PFKM: variants seen among roughly 807,000 people sequenced by gnomAD.
PFKM encodes the protein ATP-dependent 6-phosphofructokinase, muscle type.
PFKM carries 58 observed loss-of-function variants against 95.5 expected under a neutral mutation model. The observed-to-expected ratio is 0.61, with a 90% CI of 0.49 to 0.76. PFKM has a LOEUF of 0.76. PFKM is among the 30% of genes least tolerant of loss of function. PFKM has a pLI of 0.00. For missense variants in PFKM, 678 were observed against 1,005.4 expected, an observed-to-expected ratio of 0.67 and a Z score of 4.40; for synonymous variants, 336 against 357.2, an observed-to-expected ratio of 0.94 and a Z score of 0.67.
Position 48,134,832 on chromosome 12 carries a change from A to G in PFKM, c.747+3A>G. 1.9e-6 allele frequency: 3 copies of G among 1,610,944 alleles called. No homozygotes were observed. The highest frequency in any genetic ancestry group is 2.5e-6 in the Non-Finnish European group (3 of 1,177,098). On this transcript the variant is annotated splice_donor_region_variant and intron_variant, in intron 8 of 22. Coordinates refer to ENST00000359794, the MANE Select transcript of PFKM (RefSeq NM_000289.6). ...ACCTTTGTCGCCGACTCAGCGAGGT[A>G]CTTGCACTTTATTTTGCCCTTAAGA...
chr12:48,115,489 T>A (rs1030666812), upstream of PFKM, among the ~76,000 whole-genome samples: 1 of 152,168 alleles, frequency 6.6e-6, no homozygotes, highest in African/African-American at 2.4e-5. Context: ...AGAACCTTCT[T>A]AAAGGTGGGG....
chr12:48,106,009 G>A, exon 1 of PFKM: 2 of 700,960 alleles, frequency 2.9e-6, no homozygotes, highest in Non-Finnish European at 5.2e-6. Context: ...CCCTCCCCCA[G>A]CTTCCCGCCG....
intron 1 of PFKM, chr12:48,106,462 T>G: frequency 2.8e-6 from 1 of 362,278 alleles, no homozygotes; most frequent in Non-Finnish European, 5.1e-6. Context: ...AACCTGTGGC[T>G]TCCCCCGACA....
At chr12:48,124,027 G>A (rs1369370708) in intron 2 of PFKM, among the ~76,000 whole-genome samples, 3 of 152,184 alleles carry the variant, frequency 2.0e-5, no homozygotes, top group African/African-American at 7.2e-5. Flanking sequence ...GAATTAGTGA[G>A]TATCTACTGT....
exon 1 of PFKM, chr12:48,106,100 A>AACCGGAACCGCCTTCACAGC (rs1302566899): frequency 1.4e-6 from 1 of 702,706 alleles, no homozygotes; most frequent in Non-Finnish European, 2.6e-6. Flanking sequence ...AACCGCCGCG[A>AACCGGAACCGCCTTCACAGC]ACCGGAACCG....
rs1256960201 is a variant in PFKM, at chr12:48,131,393, G to A, written c.237G>A (p.Leu79=). 1 of 1,607,792 alleles carries A rather than the reference G, an allele frequency of 6.2e-7. No homozygotes were observed. Among genetic ancestry groups the A allele is most frequent in the African/African-American group, 1.3e-5 (1 of 74,774 alleles). The change falls in exon 4 of 23, where the codon CTG becomes CTA. Residue 79 remains leucine (L), a splice_region_variant and synonymous_variant. Coordinates refer to ENST00000359794, the MANE Select transcript of PFKM (RefSeq NM_000289.6). ...AGAGCGTTTCGATGATGCTTCAGCTGGTATGTTCCAGAGAACTCCCTGTCC... is the reference window on the plus strand; with the variant it reads ...AGAGCGTTTCGATGATGCTTCAGCTAGTATGTTCCAGAGAACTCCCTGTCC... ...TWESVSMMLQ[L]GGTVIGSARC... is the part of the protein sequence containing the mutation.
chr12:48,133,973 C>A (rs1465363573), intron 6 of PFKM, among the ~76,000 whole-genome samples: 1 of 152,164 alleles, frequency 6.6e-6, no homozygotes, highest in Non-Finnish European at 1.5e-5. Context: ...CCTTTCCTTT[C>A]CTTCCCTTCC....
rs138022863 is a variant in PFKM, at chr12:48,134,784, A to C, written c.702A>C (p.Pro234=). The C allele has an allele frequency of 3.1e-6, 5 of 1,613,944 alleles. No individual in the cohort carries two copies. Among genetic ancestry groups the C allele is most frequent in the Middle Eastern group, 1.6e-4 (1 of 6,084 alleles). ...ACTGGGTTTTTATTCCTGAATGTCC[A>C]CCAGATGACGACTGGGAGGAACACC... ...GADWVFIPEC[P]PDDDWEEHLC... The change falls in exon 8 of 23, where the codon CCA becomes CCC. Residue 234 remains proline (P), a synonymous_variant. Transcript: ENST00000359794.
chr12:48,114,589 G>A (rs1947507260), upstream of PFKM, among the ~76,000 whole-genome samples: 1 of 152,124 alleles, frequency 6.6e-6, no homozygotes, highest in African/African-American at 2.4e-5. Flanking sequence ...AGGTCAGATG[G>A]TTCAGTAGAA....
Position 48,145,089 on chromosome 12 carries a change from T to C in PFKM, c.2051T>C (p.Met684Thr). 2 of 1,614,220 alleles carry C rather than the reference T, an allele frequency of 1.2e-6. No homozygotes were observed. The highest frequency in any genetic ancestry group is 2.7e-5 in the African/African-American group (2 of 75,064). Residue 684 changes from methionine to threonine, a missense_variant, in exon 21 of 23, where the codon ATG becomes ACG. By Grantham distance (81) the Met-to-Thr change is moderately conservative (BLOSUM62 -1). Transcript: ENST00000359794. The surrounding 1 kb of genome is among the most constrained non-coding windows in gnomAD (Gnocchi z 4.3). ...GCCACTAAGATGGGCGCCAAGGCTA[T>C]GAACTGGATGTCTGGGAAAATCAAA... ...NFATKMGAKA[M>T]NWMSGKIKES...
intron 18 of PFKM, 29 bp downstream of exon 18, chr12:48,142,975 A>G: frequency 6.2e-7 from 1 of 1,603,458 alleles, no homozygotes. Context: ...CCTGCTAGAT[A>G]GCTCTCCCCT....
chr12:48,141,200 C>T, intron 14 of PFKM, 111 bp from the exon 15 acceptor site: 1 of 1,043,848 alleles, frequency 9.6e-7, no homozygotes. Context: ...TGTACCTTTT[C>T]CAACCAAGGG....
At chr12:48,135,462 C>G (rs1949985555) in intron 10 of PFKM, 79 bp downstream of exon 10, 3 of 1,013,912 alleles carry the variant, frequency 3.0e-6, no homozygotes, top group Non-Finnish European at 4.6e-6. Flanking sequence ...CTGCACTTCA[C>G]CAGACAGGGA....
chr12:48,130,827 A>C (rs529241915), intron 3 of PFKM, among the ~76,000 whole-genome samples: 1 of 152,166 alleles, frequency 6.6e-6, no homozygotes, highest in Non-Finnish European at 1.5e-5. Flanking sequence ...GAGGTTCTCA[A>C]ATCTTCTTTT....
chr12:48,105,462 C>G (rs192107172), upstream of PFKM: 58 of 519,006 alleles, frequency 1.1e-4, no homozygotes, highest in Non-Finnish European at 2.0e-4. Context: ...ATAACCTGAG[C>G]AGGAGGGTCC....
At chr12:48,130,703 A>G (rs1199515069) in intron 3 of PFKM, among the ~76,000 whole-genome samples, 1 of 152,220 alleles carries the variant, frequency 6.6e-6, no homozygotes, top group African/African-American at 2.4e-5. Flanking sequence ...TATCTCCCTC[A>G]AAACAGAGAA....
chr12:48,141,234 T>C lies in PFKM; in HGVS notation c.1342-77T>C, dbSNP rs1950553582. On this transcript the variant is annotated intron_variant, in intron 14 of 22. Coordinates refer to ENST00000359794, the MANE Select transcript of PFKM (RefSeq NM_000289.6). Reference sequence around the variant, plus strand: ...GGGGATCCAGGGGTAGGGTTAGAACTCAAGCAGTGGCACCAGTCCCACACA... The same window carrying C: ...GGGGATCCAGGGGTAGGGTTAGAACCCAAGCAGTGGCACCAGTCCCACACA... 6 of 1,354,100 alleles carry C rather than the reference T, an allele frequency of 4.4e-6. No individual in the cohort carries two copies. The East Asian group carries it at 1.1e-4, about 26-fold the overall frequency. The allele number at this position is 1,354,100 out of a possible 1,614,324, so 83.9% of individuals were successfully genotyped here. A position where few individuals can be genotyped will look rare whatever the true frequency, so the allele number is the denominator to read the frequency against.
At chr12:48,111,268 C>A (rs1947162311) in intron 3 of PFKM, among the ~76,000 whole-genome samples, 1 of 152,206 alleles carries the variant, frequency 6.6e-6, no homozygotes, top group Non-Finnish European at 1.5e-5. Context: ...AGCTTTCTAT[C>A]ATATTTTTCA....
At chr12:48,144,548 A>G (rs1009365975) in intron 20 of PFKM, among the ~76,000 whole-genome samples, 4 of 152,162 alleles carry the variant, frequency 2.6e-5, no homozygotes, top group Non-Finnish European at 5.9e-5. Flanking sequence ...TGTAACAAAA[A>G]TGTCTCCAAA....
Sources: allele counts gnomAD v4.1 joint callset (sites outside exome capture counted in the v4.1 genomes callset), GRCh38; gene constraint gnomAD v4.1.1; non-coding constraint Gnocchi (gnomAD v3.1); transcripts MANE v1.5; gene names NCBI Gene and HGNC (gene_info 2026-07-23, HGNC 2026-07-21).